The following TMPRSS9 variants were observed in gnomAD, a reference collection of about 807,000 sequenced individuals.
TMPRSS9 encodes the protein transmembrane serine protease 9.
In TMPRSS9, 113 loss-of-function variants were observed where a neutral mutation model predicts 111.4. The observed-to-expected ratio is 1.01, with a 90% CI of 0.87 to 1.19. The LOEUF (loss-of-function observed/expected upper bound fraction) is 1.19. TMPRSS9 is among the 50% of genes most tolerant of loss of function. The probability of loss-of-function intolerance (pLI) is 0.00; values close to 1 mark genes in which losing one functional copy is unlikely to be tolerated. For missense variants in TMPRSS9, 1,803 were observed against 1,513.1 expected (o/e 1.19, Z -3.18); for synonymous variants, 805 against 659.1 (o/e 1.22, Z -3.39).
rs1188982993 is a variant in TMPRSS9, at chr19:2,361,343, ATGGGGTGGGAGGTGAGTC to A, written c.-26+996_-26+1013del. ...TGGTGGGGTGGGGTGCGGGGCTGGG[ATGGGGTGGGAGGTGAGTC>A]TGGGGTGGGAGGGGGGGCTGGGGTG... On this transcript the variant is annotated intron_variant, in intron 1 of 17. Transcript: ENST00000649857. 1.2e-3 allele frequency among the ~76,000 whole-genome samples: 14 copies of A among 11,842 alleles called. 1 individual carries two copies. The East Asian group carries it at 0.027, about 23-fold the overall frequency. 7.8% of individuals were successfully genotyped at this position (11,842 alleles called of 152,430 possible).
chr19:2,398,006 C>A lies in TMPRSS9; in HGVS notation c.271-789C>A, dbSNP rs368799560. 3.4e-5 allele frequency among the ~76,000 whole-genome samples: 5 copies of A among 147,452 alleles called. No homozygotes were observed. The East Asian group carries it at 6.5e-4, about 19-fold the overall frequency. ...TCAAGCAATCCTCCCACCTCAGCCTCCCGAGTAGCTGGGAGTGCAGGCACA... is the reference window on the plus strand; with the variant it reads ...TCAAGCAATCCTCCCACCTCAGCCTACCGAGTAGCTGGGAGTGCAGGCACA... On this transcript the variant is annotated intron_variant, in intron 2 of 17. Transcript: ENST00000648592.
chr19:2,401,905 G>A, intron 4 of TMPRSS9, 70 bp from the exon 6 acceptor site: 3 of 1,462,276 alleles, frequency 2.1e-6, no homozygotes, highest in Admixed American at 1.9e-5. Context: ...ACCGCGCCCG[G>A]CCAATAGGAT....
At chr19:2,386,847 C>T (rs1020186305), upstream of TMPRSS9, among the ~76,000 whole-genome samples, 1 of 151,620 alleles carries the variant, frequency 6.6e-6, no homozygotes, top group African/African-American at 2.4e-5. Flanking sequence ...CAAAAATTAG[C>T]CAGGTGTGAT....
At chr19:2,365,020 G>A (rs1970237958) in intron 1 of TMPRSS9, among the ~76,000 whole-genome samples, 1 of 151,740 alleles carries the variant, frequency 6.6e-6, no homozygotes, top group Middle Eastern at 3.2e-3. Context: ...GACTGTGGGT[G>A]CCACACTCTG....
At chr19:2,422,050 T>C in exon 14 of TMPRSS9, 1 of 1,612,316 alleles carries the variant, frequency 6.2e-7, no homozygotes, top group Non-Finnish European at 8.5e-7. Context: ...ACCACAAGGA[T>C]GCTGGCCACC....
At position 2,418,299 on chromosome 19, in the gene TMPRSS9, C is replaced by T. The variant is rs879240602; in HGVS notation, c.2154+161C>T. On this transcript the variant is annotated intron_variant, in intron 13 of 17. Coordinates refer to ENST00000648592, the Ensembl canonical transcript of TMPRSS9. ...CTCCTTTTCCTTTCCTCCTTTCCTT[C>T]CCTCCCTTTCCCTCCCTCCCTCCCT... Among the ~76,000 whole-genome samples the T allele has an allele frequency of 9.2e-4, 51 of 55,630 alleles. 4 individuals carry two copies. The highest frequency in any genetic ancestry group is 4.6e-3 in the African/African-American group (33 of 7,250). 36.5% of individuals were successfully genotyped at this position (55,630 alleles called of 152,430 possible). A position where few individuals can be genotyped will look rare whatever the true frequency, so the allele number is the denominator to read the frequency against.
intron 1 of TMPRSS9, among the ~76,000 whole-genome samples, chr19:2,374,248 C>CT (rs1027376774): frequency 0.025 from 1,726 of 70,352 alleles, 298 homozygotes; most frequent in Non-Finnish European, 0.035. Flanking sequence ...TCTCAACAAT[C>CT]TTTTTTTTTT....
intron 4 of TMPRSS9, 65 bp downstream of exon 5, chr19:2,399,258 A>G: frequency 6.7e-7 from 1 of 1,499,860 alleles, no homozygotes; most frequent in Non-Finnish European, 8.9e-7. Context: ...GAGCTGCAAG[A>G]TACATTTTGA....
At position 2,403,054 on chromosome 19, in the gene TMPRSS9, C is replaced by T. The variant is rs559576466; in HGVS notation, c.557-28C>T. 1.9e-6 allele frequency: 3 copies of T among 1,570,580 alleles called. 1 individual carries two copies. In the South Asian group the frequency reaches 3.5e-5, roughly 18 times the overall value. ...CCAACCAGGAGATGTAGCATGAGGT[C>T]AGAAAGTCGGTTCTTTTCTGTCCTC... On this transcript the variant is annotated intron_variant, in intron 5 of 17. Transcript: ENST00000648592.
chr19:2,424,555 G>A (rs931800779), intron 15 of TMPRSS9, among the ~76,000 whole-genome samples: 2 of 146,518 alleles, frequency 1.4e-5, no homozygotes, highest in Non-Finnish European at 3.0e-5. Context: ...CCAGCTCCAG[G>A]CTAAGCCCAC....
chr19:2,398,444 C>A (rs926865791), intron 2 of TMPRSS9, among the ~76,000 whole-genome samples: 1 of 151,590 alleles, frequency 6.6e-6, no homozygotes, highest in Non-Finnish European at 1.5e-5. Flanking sequence ...TAGTGAAACC[C>A]CATTTCTACT....
intron 1 of TMPRSS9, among the ~76,000 whole-genome samples, chr19:2,377,086 A>G (rs921373637): frequency 4.6e-5 from 7 of 150,922 alleles, no homozygotes; most frequent in Admixed American, 3.3e-4. Context: ...ACTCCTGGCT[A>G]TCCGCATGCT....
chr19:2,365,142 T>C (rs1184647327), intron 1 of TMPRSS9, among the ~76,000 whole-genome samples: 6 of 152,140 alleles, frequency 3.9e-5, no homozygotes, highest in Non-Finnish European at 5.9e-5. Context: ...GGTTATTTTT[T>C]AATCTCTGCG....
intron 1 of TMPRSS9, among the ~76,000 whole-genome samples, chr19:2,379,613 TTCTC>T (rs1555676511): frequency 8.6e-6 from 1 of 116,702 alleles, no homozygotes; most frequent in Non-Finnish European, 1.8e-5. Flanking sequence ...CTAACTTTCT[TTCTC>T]TTTCTTTCTT....
chr19:2,390,463 T>TTA lies in TMPRSS9; in HGVS notation c.142+536_142+537insTA, dbSNP rs1387322820. Among the ~76,000 whole-genome samples, 27 of 148,972 alleles carry TTA rather than the reference T, an allele frequency of 1.8e-4. No homozygotes were observed. In the South Asian group the frequency reaches 3.3e-3, roughly 18 times the overall value. On this transcript the variant is annotated intron_variant, in intron 1 of 17. Coordinates refer to ENST00000648592, the Ensembl canonical transcript of TMPRSS9. ...TTTCACCGTGTTAGCCAGGATGGTC[T>TTA]CGATCTCCTGACCTCATGATCCGCC...
Position 2,417,993 on chromosome 19 carries a change from C to T in TMPRSS9, c.2018-9C>T, listed in dbSNP as rs78031006. 0.04 allele frequency: 64,599 copies of T among 1,611,678 alleles called. 1,514 individuals are homozygous for T. The highest frequency in any genetic ancestry group is 0.045 in the Non-Finnish European group (52,712 of 1,179,400). ...GTGCACGTGGCCTTTCTGGCTCTTT[C>T]CCTGGTAGCCACCAAGCCCGAGCTC... On this transcript the variant is annotated splice_polypyrimidine_tract_variant and intron_variant, in intron 12 of 17. Coordinates refer to ENST00000648592, the Ensembl canonical transcript of TMPRSS9.
intron 7 of TMPRSS9, among the ~76,000 whole-genome samples, chr19:2,405,950 C>A (rs1970960065): frequency 1.3e-5 from 2 of 151,148 alleles, no homozygotes; most frequent in African/African-American, 4.9e-5. Flanking sequence ...CCTGCCTTGG[C>A]CTCCCAAAGT....
chr19:2,366,347 A>C (rs1411347432), intron 1 of TMPRSS9, among the ~76,000 whole-genome samples: 1 of 152,122 alleles, frequency 6.6e-6, no homozygotes, highest in African/African-American at 2.4e-5. Flanking sequence ...ACCCTATCTC[A>C]AAAACCAAAA....
chr19:2,407,929 G>A (rs547759618), intron 7 of TMPRSS9, among the ~76,000 whole-genome samples: 38 of 151,940 alleles, frequency 2.5e-4, no homozygotes, highest in South Asian at 2.3e-3. Flanking sequence ...GATTACAGGC[G>A]CCCATCACTA....
Sources: allele counts gnomAD v4.1 joint callset (sites outside exome capture counted in the v4.1 genomes callset), GRCh38; gene constraint gnomAD v4.1.1; transcripts MANE v1.5; gene names NCBI Gene and HGNC (gene_info 2026-07-23, HGNC 2026-07-21).